Variants in TTC34 observed in about 807,000 individuals in gnomAD.
TTC34 encodes the protein tetratricopeptide repeat protein 34.
Under a neutral mutation model 40.7 loss-of-function variants are expected in TTC34, and 44 were observed. The ratio of observed to expected loss-of-function variants is 1.08; its 90% confidence interval spans 0.85 to 1.39. The LOEUF is 1.39. Among genes scored for constraint, TTC34 ranks in the 40% most tolerant of loss-of-function variants. The probability of loss-of-function intolerance (pLI) is 0.00; values close to 1 mark genes in which losing one functional copy is unlikely to be tolerated. For synonymous variants in TTC34, 422 were observed against 398.6 expected, an observed-to-expected ratio of 1.06 and a Z score of -0.70; for missense variants, 884 against 838.0, an observed-to-expected ratio of 1.05 and a Z score of -0.68.
In TTC34 at chr1:2,789,531, C is replaced by T. The variant is rs756735298; in HGVS notation, c.1600G>A (p.Glu534Lys). The change falls in exon 3 of 9, where the codon GAG becomes AAG. Residue 534 changes from glutamate (E) to lysine (K), a missense_variant. Glu to Lys is a moderately conservative substitution (Grantham distance 56). Coordinates refer to ENST00000401095, the Ensembl canonical transcript of TTC34. ...TCCTGCGTGGTGGGGCCGCCCGTCT[C>T]TGCGGCCTCCCTCCGGCCCTGCGCT... 46 of 1,502,040 alleles carry T rather than the reference C, an allele frequency of 3.1e-5. 2 individuals carry two copies. The South Asian group carries it at 5.7e-4, about 18-fold the overall frequency. 93.0% of individuals were successfully genotyped at this position (1,502,040 alleles called of 1,614,324 possible).
intron 6 of TTC34, among the ~76,000 whole-genome samples, chr1:2,656,050 C>G (rs1158034192): frequency 6.6e-4 from 98 of 149,092 alleles, no homozygotes; most frequent in Non-Finnish European, 1.1e-3. Flanking sequence ...GAGCAGCACC[C>G]ACACCCCCAG....
At chr1:2,687,156 T>C (rs1414350841) in intron 6 of TTC34, among the ~76,000 whole-genome samples, 839 of 52,294 alleles carry the variant, frequency 0.016, no homozygotes, top group Middle Eastern at 0.069. Flanking sequence ...CCTGGAACAG[T>C]ACCCACACAC....
intron 6 of TTC34, among the ~76,000 whole-genome samples, chr1:2,767,336 C>A (rs1641796321): frequency 5.6e-5 from 3 of 53,530 alleles, no homozygotes; most frequent in Non-Finnish European, 1.1e-4. Context: ...AGGGGAGCAT[C>A]TGACCGCATG....
chr1:2,642,338 C>T (rs116044628), intron 8 of TTC34, among the ~76,000 whole-genome samples: 64 of 152,292 alleles, frequency 4.2e-4, no homozygotes, highest in African/African-American at 1.5e-3. Context: ...GCCAAGTCAC[C>T]TCTCCATCGG....
intron 6 of TTC34, among the ~76,000 whole-genome samples, chr1:2,762,178 T>G (rs1444109815): frequency 2.1e-5 from 1 of 48,770 alleles, no homozygotes; most frequent in Admixed American, 2.2e-4. Flanking sequence ...CACCCCCAGG[T>G]GAGCATGTGA....
chr1:2,683,634 C>T (rs1422079069), intron 6 of TTC34, among the ~76,000 whole-genome samples: 7 of 150,222 alleles, frequency 4.7e-5, no homozygotes, highest in East Asian at 3.9e-4. Context: ...CACCCACACC[C>T]CCAGGTGAGC....
chr1:2,680,545 A>T (rs1570797334), intron 6 of TTC34, among the ~76,000 whole-genome samples: 2 of 126,020 alleles, frequency 1.6e-5, no homozygotes, highest in Admixed American at 8.2e-5. Context: ...CCACACCCCC[A>T]GGTGAGCATC....
intron 6 of TTC34, among the ~76,000 whole-genome samples, chr1:2,677,642 CACA>C (rs1639958374): frequency 7.4e-6 from 1 of 135,776 alleles, no homozygotes; most frequent in African/African-American, 2.7e-5. Context: ...CCTGGAACAG[CACA>C]CACACCCCCA....
chr1:2,681,960 C>A (rs1412049121), intron 6 of TTC34, among the ~76,000 whole-genome samples: 2 of 114,992 alleles, frequency 1.7e-5, no homozygotes, highest in Admixed American at 1.7e-4. Context: ...AGGCGAGCAT[C>A]TGACGGCCTG....
At chr1:2,686,600 A>C (rs1570814823) in intron 6 of TTC34, among the ~76,000 whole-genome samples, 5 of 143,864 alleles carry the variant, frequency 3.5e-5, no homozygotes, top group Admixed American at 1.4e-4. Flanking sequence ...CAGCACACAC[A>C]CCCCCAGGCG....
Position 2,645,587 on chromosome 1 carries a change from G to C in TTC34, c.2227-24C>G. The C allele has an allele frequency of 6.5e-5, 15 of 229,506 alleles. No individual in the cohort carries two copies. Among genetic ancestry groups the C allele is most frequent in the Middle Eastern group, 1.6e-3 (1 of 608 alleles). 14.2% of individuals were successfully genotyped at this position (229,506 alleles called of 1,614,324 possible). A position where few individuals can be genotyped will look rare whatever the true frequency, so the allele number is the denominator to read the frequency against. The stretch of plus-strand genomic sequence containing the variant: ...TCCTGCAAGGAGGGAGGGCGGGCGG[G>C]TGCAGAGTTGTCCTAAGTAGAGAAA... On this transcript the variant is annotated intron_variant, in intron 6 of 8. Transcript: ENST00000401095. The surrounding 1 kb of genome is among the most constrained non-coding windows in gnomAD (Gnocchi z 4.7).
chr1:2,646,246 T>C (rs972434942), intron 6 of TTC34, among the ~76,000 whole-genome samples: 2 of 152,198 alleles, frequency 1.3e-5, no homozygotes, highest in Admixed American at 1.3e-4. Flanking sequence ...CCACAGTCTA[T>C]GTACAGTTAA....
chr1:2,750,241 C>T (rs1641270544), intron 6 of TTC34, among the ~76,000 whole-genome samples: 2 of 152,104 alleles, frequency 1.3e-5, no homozygotes, highest in South Asian at 2.1e-4. Flanking sequence ...GCAGCACCCA[C>T]ACCCACAGGT....
chr1:2,683,317 G>T (rs555658215), intron 6 of TTC34, among the ~76,000 whole-genome samples: 3 of 151,216 alleles, frequency 2.0e-5, no homozygotes, highest in South Asian at 4.2e-4. Context: ...ACACCCCCAG[G>T]TGAGCATCTG....
At chr1:2,753,015 C>G (rs1231906783) in intron 6 of TTC34, among the ~76,000 whole-genome samples, 1,381 of 114,906 alleles carry the variant, frequency 0.012, no homozygotes, top group African/African-American at 0.017. Flanking sequence ...GCATCCTCAC[C>G]TCCAGGTGAG....
rs1638972489 is a variant in TTC34, at chr1:2,644,257, T to C, written c.2712+7A>G. The C allele has an allele frequency of 7.2e-6, 11 of 1,530,792 alleles. No homozygotes were observed. The highest frequency in any genetic ancestry group is 8.7e-6 in the Non-Finnish European group (10 of 1,143,772). 94.8% of individuals were successfully genotyped at this position (1,530,792 alleles called of 1,614,324 possible). ...GGGGTGGGAGATCTGTGGGGTTCTT[T>C]GGGCACCTGGGCAAGGCTCTGCCGC... On this transcript the variant is annotated splice_region_variant and intron_variant, in intron 8 of 8. Coordinates refer to ENST00000401095, the Ensembl canonical transcript of TTC34.
At chr1:2,683,265 C>G (rs1390742426) in intron 6 of TTC34, among the ~76,000 whole-genome samples, 4 of 150,766 alleles carry the variant, frequency 2.7e-5, no homozygotes, top group African/African-American at 9.7e-5. Flanking sequence ...GCAGCAGCAC[C>G]CACACCCACA....
At chr1:2,775,396 A>C (rs1234340240) in intron 6 of TTC34, 4 of 148,904 alleles carry the variant, frequency 2.7e-5, no homozygotes, top group Non-Finnish European at 4.4e-5. Context: ...CTGCACCCCC[A>C]GTTGAGCATC....
At chr1:2,688,351 C>T (rs1460409283) in intron 6 of TTC34, among the ~76,000 whole-genome samples, 4 of 143,202 alleles carry the variant, frequency 2.8e-5, no homozygotes, top group African/African-American at 1.1e-4. Flanking sequence ...CATCGGACAG[C>T]CTGGAGCAGC....
Sources: allele counts gnomAD v4.1 joint callset (sites outside exome capture counted in the v4.1 genomes callset), GRCh38; gene constraint gnomAD v4.1.1; non-coding constraint Gnocchi (gnomAD v3.1); transcripts MANE v1.5; gene names NCBI Gene and HGNC (gene_info 2026-07-23, HGNC 2026-07-21).